OSBPL3: variants seen among roughly 807,000 people sequenced by gnomAD.
The protein encoded by OSBPL3 is oxysterol binding protein like 3, also known as oxysterol-binding protein-related protein 3.
Under a neutral mutation model 120.1 loss-of-function variants are expected in OSBPL3, and 65 were observed. That is an observed-to-expected ratio of 0.54 (90% CI 0.44 to 0.67). The LOEUF is 0.67. Ranked by LOEUF, OSBPL3 falls within the 30% of genes least tolerant of loss-of-function variation. OSBPL3 has a pLI of 0.00. For synonymous variants in OSBPL3, 416 were observed against 402.6 expected, an observed-to-expected ratio of 1.03 and a Z score of -0.40; for missense variants, 1,004 against 1,082.1, an observed-to-expected ratio of 0.93 and a Z score of 1.01.
chr7:24,833,934 T>C lies in OSBPL3; in HGVS notation c.1746+552A>G, dbSNP rs1175669891. Among the ~76,000 whole-genome samples, 1 of 152,012 alleles carries C rather than the reference T, an allele frequency of 6.6e-6. No homozygotes were observed. Among genetic ancestry groups the C allele is most frequent in the African/African-American group, 2.4e-5 (1 of 41,362 alleles). ...TAGGGAAGAGAAGGCTTTTCTACGA[T>C]TTTTTTTAAGTACTCTATAAAATAA... is the stretch of plus-strand genomic sequence containing the variant. On this transcript the variant is annotated intron_variant, in intron 15 of 22. Transcript: ENST00000313367. The surrounding 1 kb of genome is among the most constrained non-coding windows in gnomAD (Gnocchi z 4.4).
rs934496404 is a variant in OSBPL3 at position 24,972,031 on chromosome 7, T to C, written c.-150+7855A>G. On this transcript the variant is annotated intron_variant, in intron 1 of 22. Coordinates refer to ENST00000313367, the MANE Select transcript of OSBPL3 (RefSeq NM_015550.4). The surrounding 1 kb of genome is among the most constrained non-coding windows in gnomAD (Gnocchi z 4.3). ...TACCCCTAACCCACTTTGCCTCAGATGCCAGACAACTAAGCTACACTAGAA... is the reference window on the plus strand; with the variant it reads ...TACCCCTAACCCACTTTGCCTCAGACGCCAGACAACTAAGCTACACTAGAA... Among the ~76,000 whole-genome samples the C allele has an allele frequency of 1.1e-4, 17 of 152,222 alleles. No individual in the cohort carries two copies. The highest frequency in any genetic ancestry group is 4.1e-4 in the African/African-American group (17 of 41,466).
chr7:24,816,545 G>A, intron 18 of OSBPL3, 65 bp downstream of exon 18: 1 of 1,101,262 alleles, frequency 9.1e-7, no homozygotes, highest in Non-Finnish European at 1.4e-6. Context: ...TGGGCATCCT[G>A]TCCCCAAAGC....
At chr7:24,962,988 C>T (rs565304651) in intron 1 of OSBPL3, among the ~76,000 whole-genome samples, 63 of 152,290 alleles carry the variant, frequency 4.1e-4, no homozygotes, top group African/African-American at 1.4e-3. Context: ...CATTCTGAGA[C>T]ATGAATATGA....
In OSBPL3 at chr7:24,916,993, T is replaced by C. The variant is rs1438657232; in HGVS notation, c.-149-24372A>G. ...CTTAGAAGAAGGAAGGAAGGATGGG[T>C]ATATGGGTAGAGAGAGGGAAGGAAA... is the stretch of plus-strand genomic sequence containing the variant. On this transcript the variant is annotated intron_variant, in intron 1 of 22. Transcript: ENST00000313367. The surrounding 1 kb of genome is among the most constrained non-coding windows in gnomAD (Gnocchi z 4.9). Among the ~76,000 whole-genome samples, 1 of 150,754 alleles carries C rather than the reference T, an allele frequency of 6.6e-6. No individual in the cohort carries two copies. The highest frequency in any genetic ancestry group is 1.5e-5 in the Non-Finnish European group (1 of 67,654).
At chr7:24,832,113 G>T (rs970603780) in intron 15 of OSBPL3, among the ~76,000 whole-genome samples, 1 of 151,426 alleles carries the variant, frequency 6.6e-6, no homozygotes, top group Non-Finnish European at 1.5e-5. Context: ...AGGCAGAAGT[G>T]GGAGGACTGA....
chr7:24,931,615 A>T (rs750010121), intron 1 of OSBPL3, among the ~76,000 whole-genome samples: 27 of 152,178 alleles, frequency 1.8e-4, no homozygotes, highest in Non-Finnish European at 3.7e-4. Context: ...GCCCGTTGAC[A>T]CCTGATTTTA....
chr7:24,919,646 G>A (rs1438507180), intron 1 of OSBPL3, among the ~76,000 whole-genome samples: 2 of 151,454 alleles, frequency 1.3e-5, no homozygotes, highest in African/African-American at 4.9e-5. Context: ...CAACTAAGGG[G>A]GAAAAAAGTG....
At chr7:24,910,467 A>C (rs886210974) in intron 1 of OSBPL3, among the ~76,000 whole-genome samples, 5 of 152,246 alleles carry the variant, frequency 3.3e-5, no homozygotes, top group African/African-American at 1.2e-4. Context: ...GTGGGCTAAT[A>C]AAGGAAGCTA....
intron 2 of OSBPL3, among the ~76,000 whole-genome samples, chr7:24,889,834 C>T (rs936740490): frequency 1.3e-5 from 2 of 152,186 alleles, no homozygotes; most frequent in African/African-American, 2.4e-5. Flanking sequence ...CTTTAAAGAT[C>T]TGCTTGCCCA....
intron 10 of OSBPL3, among the ~76,000 whole-genome samples, chr7:24,858,500 T>C (rs1221586474): frequency 1.4e-4 from 22 of 152,230 alleles, no homozygotes; most frequent in Admixed American, 1.4e-3. Flanking sequence ...AGAGACTCCC[T>C]GAACCAGGAA....
chr7:24,943,934 G>A lies in OSBPL3; in HGVS notation c.-150+35952C>T, dbSNP rs565412372. On this transcript the variant is annotated intron_variant, in intron 1 of 22. Transcript: ENST00000313367. ...TTATGTTTCAGATTAAACACAAACT[G>A]GAAGAGACAATAATAGTTGAATTAA... is the stretch of plus-strand genomic sequence containing the variant. Among the ~76,000 whole-genome samples the A allele has an allele frequency of 1.1e-4, 17 of 152,166 alleles. No individual in the cohort carries two copies. In the East Asian group the frequency reaches 3.1e-3, roughly 28 times the overall value.
At chr7:24,928,279 C>T (rs927892567) in intron 1 of OSBPL3, among the ~76,000 whole-genome samples, 1 of 151,750 alleles carries the variant, frequency 6.6e-6, no homozygotes, top group African/African-American at 2.4e-5. Flanking sequence ...GCAAACTCCG[C>T]CTCCCAGGTT....
At chr7:24,929,002 T>C (rs1811446346) in intron 1 of OSBPL3, among the ~76,000 whole-genome samples, 1 of 152,158 alleles carries the variant, frequency 6.6e-6, no homozygotes, top group Admixed American at 6.5e-5. Context: ...CTTGGGTAAA[T>C]ACAAAGAAGC....
chr7:24,864,499 T>G (rs891365520), intron 7 of OSBPL3, among the ~76,000 whole-genome samples: 1 of 152,198 alleles, frequency 6.6e-6, no homozygotes, highest in Non-Finnish European at 1.5e-5. Context: ...CTTGGTAAAG[T>G]TCATGAGTGA....
At chr7:24,844,731 G>T (rs932960944) in intron 12 of OSBPL3, among the ~76,000 whole-genome samples, 2 of 151,960 alleles carry the variant, frequency 1.3e-5, no homozygotes, top group African/African-American at 4.8e-5. Context: ...TTTTAAAAAA[G>T]CAAATTAAAT....
rs1792009206 is a variant in OSBPL3, at chr7:24,799,060, A to G, written c.*1123T>C. On this transcript the variant is annotated 3_prime_UTR_variant, in exon 23 of 23. Coordinates refer to ENST00000313367, the MANE Select transcript of OSBPL3 (RefSeq NM_015550.4). This position sits in a 1 kb window ranked among gnomAD's most constrained non-coding sequence, Gnocchi z 5.3. ...AGAAAGTATAGGAAAGGGGTAAGAC[A>G]CTCACTTAAAGCTTTACCAGAACAC... is the stretch of plus-strand genomic sequence containing the variant. 1 of 152,664 alleles carries G rather than the reference A, an allele frequency of 6.6e-6. No homozygotes were observed. Among genetic ancestry groups the G allele is most frequent in the African/African-American group, 2.4e-5 (1 of 41,458 alleles). 9.5% of individuals were successfully genotyped at this position (152,664 alleles called of 1,614,324 possible). A position where few individuals can be genotyped will look rare whatever the true frequency, so the allele number is the denominator to read the frequency against.
intron 10 of OSBPL3, among the ~76,000 whole-genome samples, chr7:24,858,517 G>T (rs1800107681): frequency 6.6e-6 from 1 of 152,210 alleles, no homozygotes; most frequent in Admixed American, 6.5e-5. Context: ...GGAAAAGGAA[G>T]ATCTTTCCCT....
At chr7:24,948,399 A>G (rs74568114) in intron 1 of OSBPL3, among the ~76,000 whole-genome samples, 1 of 133,846 alleles carries the variant, frequency 7.5e-6, no homozygotes, top group East Asian at 2.3e-4. Context: ...TTTTTTTTTT[A>G]AAAAGACCCT....
At chr7:24,920,376 G>C (rs1810250047) in intron 1 of OSBPL3, among the ~76,000 whole-genome samples, 1 of 152,108 alleles carries the variant, frequency 6.6e-6, no homozygotes, top group Admixed American at 6.5e-5. Context: ...AGTGAAGGAG[G>C]ACAGATTTTT....
Sources: gnomAD v4.1 joint callset for allele counts (sites outside exome capture counted in the v4.1 genomes callset) on GRCh38, gnomAD v4.1.1 for gene constraint, Gnocchi (gnomAD v3.1) non-coding constraint, MANE v1.5 for transcripts, NCBI Gene and HGNC (gene_info 2026-07-23, HGNC 2026-07-21) for gene names.